TLE4: variants seen among roughly 807,000 people sequenced by gnomAD.
TLE4 encodes transducin-like enhancer protein 4.
In TLE4, 8 loss-of-function variants were observed where a neutral mutation model predicts 92.8. That is an observed-to-expected ratio of 0.09 (90% CI 0.05 to 0.16). The LOEUF is 0.16. Among genes scored for constraint, TLE4 ranks in the 10% least tolerant of loss-of-function variants. The pLI is 1.00. For missense variants in TLE4, 675 were observed against 997.6 expected, an observed-to-expected ratio of 0.68 and a Z score of 4.36; for synonymous variants, 371 against 374.1, an observed-to-expected ratio of 0.99 and a Z score of 0.10.
intron 4 of TLE4, among the ~76,000 whole-genome samples, chr9:79,596,709 T>C (rs1214715121): frequency 6.6e-6 from 1 of 152,234 alleles, no homozygotes; most frequent in Non-Finnish European, 1.5e-5. Flanking sequence ...ATCTCAGTTC[T>C]GTCTTAAAAC....
chr9:79,673,666 T>C (rs1588093374), intron 8 of TLE4, among the ~76,000 whole-genome samples: 1 of 152,214 alleles, frequency 6.6e-6, no homozygotes, highest in East Asian at 1.9e-4. Context: ...CTTATACTTT[T>C]ATACCTAAAA....
intron 14 of TLE4, among the ~76,000 whole-genome samples, chr9:79,711,510 A>G (rs904710473): frequency 1.3e-5 from 2 of 152,198 alleles, no homozygotes; most frequent in African/African-American, 2.4e-5. Flanking sequence ...AAGAAGTACT[A>G]TCCCTTTTTT....
chr9:79,633,332 G>A (rs2054818761), intron 6 of TLE4, among the ~76,000 whole-genome samples: 1 of 152,156 alleles, frequency 6.6e-6, no homozygotes, highest in Non-Finnish European at 1.5e-5. Context: ...ATTTCTAGAA[G>A]CCAGTCTATC....
chr9:79,721,625 CA>C, intron 16 of TLE4, 115 bp from the exon 17 acceptor site: 2 of 1,475,362 alleles, frequency 1.4e-6, no homozygotes, highest in Non-Finnish European at 1.8e-6. Context: ...CATAATAAAC[CA>C]AAATGAAATC....
At chr9:79,674,412 T>C (rs1252706419) in intron 8 of TLE4, among the ~76,000 whole-genome samples, 2 of 152,174 alleles carry the variant, frequency 1.3e-5, no homozygotes, top group East Asian at 3.9e-4. Flanking sequence ...TCAGAGCCCA[T>C]GCTCATTATC....
Position 79,724,849 on chromosome 9 carries a change from T to TAAAAAAAAAAAAA in TLE4, c.2215-168_2215-156dup, listed in dbSNP as rs947971071. On this transcript the variant is annotated intron_variant, in intron 19 of 19. Transcript: ENST00000376552. The stretch of plus-strand genomic sequence containing the variant: ...GTGACTGAGGGAGACCCTGTCTTAT[T>TAAAAAAAAAAAAA]AAAAAAAAAAAAAAAAAAAAAAAAA... Among the ~76,000 whole-genome samples, 9 of 25,986 alleles carry TAAAAAAAAAAAAA rather than the reference T, an allele frequency of 3.5e-4. 3 individuals are homozygous for TAAAAAAAAAAAAA. The highest frequency in any genetic ancestry group is 9.7e-4 in the African/African-American group (6 of 6,174). The allele number at this position is 25,986 out of a possible 152,430, so 17.0% of individuals were successfully genotyped here.
chr9:79,614,595 A>G (rs2049074516), intron 5 of TLE4, among the ~76,000 whole-genome samples: 1 of 152,172 alleles, frequency 6.6e-6, no homozygotes, highest in South Asian at 2.1e-4. Flanking sequence ...GAAAGGTGTC[A>G]TACTTAACTG....
chr9:79,653,452 T>C (rs2059315299), intron 7 of TLE4, among the ~76,000 whole-genome samples: 1 of 152,186 alleles, frequency 6.6e-6, no homozygotes, highest in Admixed American at 6.5e-5. Context: ...TCCACTAAGG[T>C]AGATGATGGT....
At chr9:79,577,988 T>A (rs1217266021) in intron 4 of TLE4, among the ~76,000 whole-genome samples, 1 of 152,230 alleles carries the variant, frequency 6.6e-6, no homozygotes, top group Non-Finnish European at 1.5e-5. Flanking sequence ...TCCCTTTTTT[T>A]CGTTTCCTTT....
chr9:79,621,867 T>C (rs1330191446), intron 5 of TLE4, among the ~76,000 whole-genome samples: 1 of 152,298 alleles, frequency 6.6e-6, no homozygotes, highest in East Asian at 1.9e-4. Context: ...GCTAATGGCT[T>C]CTATTAGCCA....
intron 8 of TLE4, among the ~76,000 whole-genome samples, chr9:79,688,051 CT>C (rs1199416618): frequency 1.3e-5 from 2 of 151,286 alleles, no homozygotes; most frequent in African/African-American, 4.8e-5. Flanking sequence ...AAGATGAGAA[CT>C]TCCTTCCCTT....
intron 8 of TLE4, among the ~76,000 whole-genome samples, chr9:79,662,466 CT>C (rs1042777513): frequency 1.2e-4 from 18 of 152,066 alleles, no homozygotes; most frequent in Admixed American, 8.5e-4. Context: ...ATTCACTTAT[CT>C]TTTTTTAAAC....
intron 10 of TLE4, 120 bp from the exon 11 acceptor site, chr9:79,706,627 T>C (rs2071650095): frequency 7.7e-7 from 1 of 1,293,984 alleles, no homozygotes; most frequent in African/African-American, 1.5e-5. Flanking sequence ...TTATCTGTTC[T>C]AGCACATTTG....
chr9:79,628,357 A>C (rs903724446), intron 6 of TLE4, among the ~76,000 whole-genome samples: 4 of 151,996 alleles, frequency 2.6e-5, no homozygotes, highest in African/African-American at 9.7e-5. Context: ...TGAAATGCTA[A>C]TTATTTCGTT....
chr9:79,599,099 A>G (rs2044874055), intron 4 of TLE4, among the ~76,000 whole-genome samples: 1 of 152,148 alleles, frequency 6.6e-6, no homozygotes, highest in Non-Finnish European at 1.5e-5. Flanking sequence ...CAGTGCCAAG[A>G]GGAGGATGGA....
chr9:79,713,412 C>T, intron 14 of TLE4, among the ~76,000 whole-genome samples: 1 of 152,178 alleles, frequency 6.6e-6, no homozygotes, highest in East Asian at 1.9e-4. Flanking sequence ...ATTCTCATCG[C>T]CATGTTTGTT....
At chr9:79,573,606 C>G (rs1320374346) in intron 1 of TLE4, 83 bp from the exon 2 acceptor site, 11 of 1,200,014 alleles carry the variant, frequency 9.2e-6, no homozygotes, top group African/African-American at 3.1e-5. Flanking sequence ...TCACCCCCCG[C>G]TAACGCCGCA....
intron 8 of TLE4, among the ~76,000 whole-genome samples, chr9:79,695,916 A>G (rs1391463887): frequency 6.6e-6 from 1 of 152,202 alleles, no homozygotes; most frequent in Non-Finnish European, 1.5e-5. Flanking sequence ...TTCAGATCAG[A>G]TTGGAGAAGG....
intron 8 of TLE4, among the ~76,000 whole-genome samples, chr9:79,654,632 T>C (rs2059511793): frequency 1.3e-5 from 2 of 152,166 alleles, no homozygotes; most frequent in South Asian, 2.1e-4. Context: ...GCATCTGTCT[T>C]ATCTGCCTTT....
Sources: allele counts gnomAD v4.1 joint callset (sites outside exome capture counted in the v4.1 genomes callset), GRCh38; gene constraint gnomAD v4.1.1; transcripts MANE v1.5; gene names NCBI Gene and HGNC (gene_info 2026-07-23, HGNC 2026-07-21).